Variants in PCDHA8 observed in about 807,000 individuals in gnomAD.
The protein encoded by PCDHA8 is protocadherin alpha 8.
A neutral mutation model predicts 61.8 loss-of-function variants in PCDHA8; 53 were observed. The observed-to-expected ratio is 0.86, with a 90% confidence interval of 0.69 to 1.08. The LOEUF (loss-of-function observed/expected upper bound fraction) is 1.08. Ranked by LOEUF, PCDHA8 falls within the 50% of genes least tolerant of loss-of-function variation. PCDHA8 has a pLI of 0.00. For synonymous variants in PCDHA8, 618 were observed against 556.6 expected (o/e 1.11, Z -1.55); for missense variants, 1,293 against 1,245.0 (o/e 1.04, Z -0.58).
intron 1 of PCDHA8, among the ~76,000 whole-genome samples, chr5:140,976,409 G>C (rs1208759254): frequency 6.6e-6 from 1 of 152,064 alleles, no homozygotes; most frequent in African/African-American, 2.4e-5. Flanking sequence ...AAATTAGCCA[G>C]GTACGGTGGC....
rs140143048 is a variant in PCDHA8 at position 140,842,939 on chromosome 5, G to T, written c.1618G>T (p.Ala540Ser). 2.5e-6 allele frequency: 4 copies of T among 1,594,572 alleles called. No homozygotes were observed. In the East Asian group the frequency reaches 8.9e-5, roughly 36 times the overall value. Reference protein sequence around the residue: ...LLQFQVSARDAGVPPLGSNVT... With the variant: ...LLQFQVSARDSGVPPLGSNVT... ...GCAGTTCCAGGTGAGCGCGCGCGACGCGGGCGTGCCGCCTCTGGGCAGCAA... is the reference window on the plus strand; with the variant it reads ...GCAGTTCCAGGTGAGCGCGCGCGACTCGGGCGTGCCGCCTCTGGGCAGCAA... The change falls in exon 1 of 4, where the codon GCG becomes TCG. Residue 540 changes from alanine (A) to serine (S), a missense_variant. Physicochemically the swap from Ala to Ser is moderately conservative, Grantham distance 99 (BLOSUM62 1). Coordinates refer to ENST00000531613, the MANE Select transcript of PCDHA8 (RefSeq NM_018911.3).
In PCDHA8 at chr5:141,010,450, G is replaced by T; in HGVS notation, c.*513G>T. 7.6e-6 allele frequency: 7 copies of T among 920,886 alleles called. No homozygotes were observed. The South Asian group carries it at 1.3e-4, about 17-fold the overall frequency. The allele number at this position is 920,886 out of a possible 1,614,324, so 57.0% of individuals were successfully genotyped here. A position where few individuals can be genotyped will look rare whatever the true frequency, so the allele number is the denominator to read the frequency against. ...AAGAAAACAAAGACAAATAAACAGC[G>T]GAAGTTATCAGTATGGAGGGGAAGT... is the stretch of plus-strand genomic sequence containing the variant. On this transcript the variant is annotated 3_prime_UTR_variant, in exon 4 of 4. Transcript: ENST00000531613.
chr5:140,999,183 AG>A (rs1233229901), intron 3 of PCDHA8, among the ~76,000 whole-genome samples: 2 of 152,200 alleles, frequency 1.3e-5, no homozygotes, highest in East Asian at 1.9e-4. Flanking sequence ...TGATGGGGAG[AG>A]GGTCCTTGGA....
intron 1 of PCDHA8, among the ~76,000 whole-genome samples, chr5:140,949,542 T>G (rs1418281515): frequency 6.6e-6 from 1 of 151,916 alleles, no homozygotes; most frequent in East Asian, 1.9e-4. Context: ...AATATCGATT[T>G]GTTGCTGGTC....
At chr5:140,985,579 C>T (rs2097158687) in intron 3 of PCDHA8, among the ~76,000 whole-genome samples, 1 of 152,084 alleles carries the variant, frequency 6.6e-6, no homozygotes, top group African/African-American at 2.4e-5. Context: ...GTGCCTAAGC[C>T]TCCTTATACT....
chr5:140,941,255 C>CTTTCTTTTTCTT (rs782490896), intron 1 of PCDHA8, among the ~76,000 whole-genome samples: 1 of 44,508 alleles, frequency 2.2e-5, no homozygotes, highest in Non-Finnish European at 5.1e-5. Context: ...TTCTTTCTTT[C>CTTTCTTTTTCTT]TCTTTCTTTC....
chr5:140,869,316 T>C (rs782789227), intron 1 of PCDHA8: 22 of 1,613,628 alleles, frequency 1.4e-5, no homozygotes, highest in South Asian at 4.4e-5. Flanking sequence ...CCAAAACACA[T>C]GGGGACCTTC....
chr5:140,873,441 TAAC>T (rs1439420468), intron 1 of PCDHA8, among the ~76,000 whole-genome samples: 3 of 152,200 alleles, frequency 2.0e-5, no homozygotes, highest in Non-Finnish European at 2.9e-5. Context: ...ATCACATAAA[TAAC>T]AAATTTGCAT....
chr5:140,850,431 C>T (rs2150484020), intron 1 of PCDHA8: 3 of 1,597,912 alleles, frequency 1.9e-6, no homozygotes, highest in Non-Finnish European at 1.7e-6. Flanking sequence ...ACCGCGCCAG[C>T]GCCTACTGGT....
At chr5:140,860,807 G>C (rs907238053) in intron 1 of PCDHA8, 3 of 152,116 alleles carry the variant, frequency 2.0e-5, no homozygotes. Context: ...GCACGATCTC[G>C]GCTCACTGCA....
At chr5:140,935,394 G>C (rs959098226) in intron 1 of PCDHA8, among the ~76,000 whole-genome samples, 2 of 152,088 alleles carry the variant, frequency 1.3e-5, no homozygotes, top group East Asian at 3.8e-4. Context: ...GTTATCCCAC[G>C]GGACTCAAAC....
intron 1 of PCDHA8, among the ~76,000 whole-genome samples, chr5:140,896,714 T>C (rs1554187081): frequency 6.6e-6 from 1 of 152,180 alleles, no homozygotes; most frequent in African/African-American, 2.4e-5. Flanking sequence ...TGTTTTTTGC[T>C]TGTTAATTTG....
intron 1 of PCDHA8, chr5:140,851,096 T>A (rs2041958887): frequency 7.7e-7 from 1 of 1,292,466 alleles, no homozygotes; most frequent in Non-Finnish European, 1.0e-6. Context: ...AAATAGATAT[T>A]TTTTGGGTGC....
intron 3 of PCDHA8, among the ~76,000 whole-genome samples, chr5:141,001,099 C>A (rs1554258004): frequency 6.6e-6 from 1 of 151,694 alleles, no homozygotes; most frequent in African/African-American, 2.4e-5. Context: ...CTGTCTAATC[C>A]ATAATAAGCA....
intron 1 of PCDHA8, chr5:140,969,195 A>G: frequency 6.2e-7 from 1 of 1,614,158 alleles, no homozygotes; most frequent in Non-Finnish European, 8.5e-7. Flanking sequence ...ATGTTTTACA[A>G]TACAGGGGCC....
chr5:140,849,199 A>T (rs1581177103), intron 1 of PCDHA8: 1 of 1,039,344 alleles, frequency 9.6e-7, no homozygotes, highest in African/African-American at 2.0e-5. Flanking sequence ...GTACTGGACA[A>T]CAATGACAAT....
chr5:140,963,233 G>C (rs151988), intron 1 of PCDHA8, among the ~76,000 whole-genome samples: 50,230 of 151,972 alleles, frequency 0.33, 8,535 homozygotes, highest in East Asian at 0.53. Context: ...GACACTGTTT[G>C]ATGGATTAGG....
chr5:140,849,774 G>A lies in PCDHA8; in HGVS notation c.2394+6059G>A, dbSNP rs2150449369. On this transcript the variant is annotated intron_variant, in intron 1 of 3. Transcript: ENST00000531613. ...GTCCGCCTACGAGCTGGTGGTTACC[G>A]CGCGGGACGGGGGCTCGCCTTCACT... 3 of 1,598,480 alleles carry A rather than the reference G, an allele frequency of 1.9e-6. No individual in the cohort carries two copies. In the South Asian group the frequency reaches 3.3e-5, roughly 18 times the overall value.
chr5:140,969,554 T>C (rs2096342030), intron 1 of PCDHA8: 12 of 1,222,074 alleles, frequency 9.8e-6, no homozygotes, highest in Non-Finnish European at 1.3e-5. Context: ...TGAAGCCTTG[T>C]CCATAAAATT....
Sources: allele counts gnomAD v4.1 joint callset (sites outside exome capture counted in the v4.1 genomes callset), GRCh38; gene constraint gnomAD v4.1.1; transcripts MANE v1.5; gene names NCBI Gene and HGNC (gene_info 2026-07-23, HGNC 2026-07-21).